IGSF11: variants seen among roughly 807,000 people sequenced by gnomAD.
IGSF11 encodes CXADR like 1.
A neutral mutation model predicts 41.0 loss-of-function variants in IGSF11; 22 were observed. The ratio of observed to expected loss-of-function variants is 0.54; its 90% CI spans 0.38 to 0.77. The LOEUF is 0.77. Among genes scored for constraint, IGSF11 ranks in the 30% least tolerant of loss-of-function variants. IGSF11 has a pLI of 0.00. For missense variants in IGSF11, 444 were observed against 530.8 expected, an observed-to-expected ratio of 0.84 and a Z score of 1.61; for synonymous variants, 219 against 201.3, an observed-to-expected ratio of 1.09 and a Z score of -0.74.
At chr3:118,988,844 G>A (rs1255150181) in intron 1 of IGSF11, among the ~76,000 whole-genome samples, 1 of 152,182 alleles carries the variant, frequency 6.6e-6, no homozygotes, top group African/African-American at 2.4e-5. Context: ...TTCCTGAACT[G>A]TGAGGTTTCT....
chr3:119,041,643 TAA>T (rs1205685189), intron 1 of IGSF11, among the ~76,000 whole-genome samples: 2 of 152,074 alleles, frequency 1.3e-5, no homozygotes, highest in East Asian at 3.8e-4. Flanking sequence ...TGCAGATATT[TAA>T]AAGAGAAGAA....
intron 1 of IGSF11, among the ~76,000 whole-genome samples, chr3:118,944,699 C>T (rs1943984271): frequency 6.6e-6 from 1 of 152,144 alleles, no homozygotes. Context: ...GGTCTCAGCA[C>T]ACAGAGACCA....
chr3:118,987,317 G>A (rs1016284), intron 1 of IGSF11, among the ~76,000 whole-genome samples: 13,597 of 152,224 alleles, frequency 0.089, 679 homozygotes, highest in East Asian at 0.13. Context: ...CCAGGAAATG[G>A]GTGAGGACAA....
At chr3:119,016,113 C>A (rs1938654161) in intron 1 of IGSF11, among the ~76,000 whole-genome samples, 1 of 152,170 alleles carries the variant, frequency 6.6e-6, no homozygotes. Context: ...AAAAGAACAG[C>A]CACAAACACA....
rs183625936 is a variant in IGSF11 at position 118,920,759 on chromosome 3, A to G, written c.580+5342T>C. On this transcript the variant is annotated intron_variant, in intron 4 of 6. Transcript: ENST00000393775. ...GTCTTACAGTGTGATTTTTAAACAC[A>G]TATTTCTCATAATAACATAGCTGAA... Among the ~76,000 whole-genome samples, 1,168 of 152,296 alleles carry G rather than the reference A, an allele frequency of 7.7e-3. 27 individuals are homozygous for G. Among genetic ancestry groups the G allele is most frequent in the African/African-American group, 0.026 (1,093 of 41,564 alleles).
chr3:119,115,899 T>C (rs560660047), intron 1 of IGSF11, among the ~76,000 whole-genome samples: 3 of 152,352 alleles, frequency 2.0e-5, no homozygotes, highest in African/African-American at 7.2e-5. Flanking sequence ...GGTGCAAAAC[T>C]TTATTTGCTA....
chr3:118,946,249 C>T (rs79151518), intron 1 of IGSF11, among the ~76,000 whole-genome samples: 2,128 of 148,464 alleles, frequency 0.014, 42 homozygotes, highest in Non-Finnish European at 0.013. Context: ...TATATAAATC[C>T]GGAAAAATGA....
intron 1 of IGSF11, among the ~76,000 whole-genome samples, chr3:119,070,846 T>C (rs2076388750): frequency 6.6e-6 from 1 of 152,126 alleles, no homozygotes; most frequent in South Asian, 2.1e-4. Flanking sequence ...CTAAAGGAAG[T>C]ATATTCATGA....
intron 1 of IGSF11, among the ~76,000 whole-genome samples, chr3:119,092,669 T>C (rs971323783): frequency 1.1e-4 from 17 of 152,158 alleles, no homozygotes; most frequent in Non-Finnish European, 2.5e-4. Flanking sequence ...TGTATAGTAA[T>C]GTCCTAGGCC....
chr3:118,903,773 G>A (rs1218716258), intron 6 of IGSF11, among the ~76,000 whole-genome samples: 1 of 152,154 alleles, frequency 6.6e-6, no homozygotes, highest in African/African-American at 2.4e-5. Flanking sequence ...GTCAATGAGG[G>A]TAGTAATCAG....
chr3:119,006,052 A>G (rs1234635652), intron 1 of IGSF11, among the ~76,000 whole-genome samples: 5 of 110,798 alleles, frequency 4.5e-5, no homozygotes, highest in Non-Finnish European at 6.8e-5. Flanking sequence ...AATATCCTGC[A>G]GAGTGTTTTC....
intron 4 of IGSF11, among the ~76,000 whole-genome samples, chr3:118,923,472 G>A (rs1942017348): frequency 6.6e-6 from 1 of 152,132 alleles, no homozygotes. Flanking sequence ...AATAGTATTA[G>A]CTAATCTATA....
intron 1 of IGSF11, among the ~76,000 whole-genome samples, chr3:119,005,256 G>A (rs917320069): frequency 2.1e-5 from 3 of 145,952 alleles, no homozygotes; most frequent in African/African-American, 8.0e-5. Flanking sequence ...TTGGTTTAAA[G>A]TCTGTTTTAT....
intron 1 of IGSF11, among the ~76,000 whole-genome samples, chr3:119,079,226 G>A (rs1297211811): frequency 1.3e-5 from 2 of 152,080 alleles, no homozygotes; most frequent in African/African-American, 2.4e-5. Context: ...GGGTGTGGTG[G>A]TGGGTGCCTG....
At chr3:119,056,380 G>C (rs1941834987) in intron 1 of IGSF11, among the ~76,000 whole-genome samples, 1 of 152,110 alleles carries the variant, frequency 6.6e-6, no homozygotes, top group Admixed American at 6.5e-5. Flanking sequence ...AGAAGAAATG[G>C]ATAAATTCCT....
intron 1 of IGSF11, among the ~76,000 whole-genome samples, chr3:119,116,963 A>T (rs1273552959): frequency 6.6e-6 from 1 of 152,012 alleles, no homozygotes; most frequent in Admixed American, 6.5e-5. Context: ...AGCAGCAAGC[A>T]CCTGGTACCT....
chr3:118,997,757 T>C (rs553006472), intron 1 of IGSF11, among the ~76,000 whole-genome samples: 1 of 152,282 alleles, frequency 6.6e-6, no homozygotes, highest in East Asian at 1.9e-4. Flanking sequence ...TCTCTTCTAC[T>C]GACCCTAGAT....
At position 118,902,142 on chromosome 3, in the gene IGSF11, A is replaced by C. The variant is rs1343581168; in HGVS notation, c.*378T>G. ...TTAAAGACACCTACCTTTTAAAATA[A>C]TTTCAATATTTAAACTCCATCTGGC... On this transcript the variant is annotated 3_prime_UTR_variant, in exon 7 of 7. Transcript: ENST00000393775. The C allele has an allele frequency of 1.7e-5, 3 of 179,436 alleles. No homozygotes were observed. The highest frequency in any genetic ancestry group is 7.1e-5 in the African/African-American group (3 of 42,014). The allele number at this position is 179,436 out of a possible 1,614,324, so 11.1% of individuals were successfully genotyped here.
At chr3:119,135,148 A>C (rs1395371941) in intron 1 of IGSF11, among the ~76,000 whole-genome samples, 1 of 152,216 alleles carries the variant, frequency 6.6e-6, no homozygotes, top group Non-Finnish European at 1.5e-5. Flanking sequence ...GGACATAGGC[A>C]TGGGCAAGGA....
Sources: gnomAD v4.1 joint callset for allele counts (sites outside exome capture counted in the v4.1 genomes callset) on GRCh38, gnomAD v4.1.1 for gene constraint, MANE v1.5 for transcripts, NCBI Gene and HGNC (gene_info 2026-07-23, HGNC 2026-07-21) for gene names.